Variants in RBFOX1 observed in about 807,000 individuals in gnomAD.
RBFOX1 encodes the protein RNA binding fox-1 homolog 1.
Under a neutral mutation model 57.7 loss-of-function variants are expected in RBFOX1, and 8 were observed. That is an observed-to-expected ratio of 0.14 (90% CI 0.08 to 0.25). The LOEUF (loss-of-function observed/expected upper bound fraction) is 0.25. Ranked by LOEUF, RBFOX1 falls within the 10% of genes least tolerant of loss-of-function variation. The pLI, the probability that RBFOX1 is intolerant of heterozygous loss-of-function variation, is 1.00. For synonymous variants in RBFOX1, 326 were observed against 222.4 expected, an observed-to-expected ratio of 1.47 and a Z score of -4.15; for missense variants, 611 against 548.5, an observed-to-expected ratio of 1.11 and a Z score of -1.14.
intron 1 of RBFOX1, among the ~76,000 whole-genome samples, chr16:6,222,386 G>C (rs944584102): frequency 5.3e-5 from 8 of 151,886 alleles, no homozygotes; most frequent in African/African-American, 1.7e-4. Context: ...TAACAAAAAG[G>C]GTTAGACAAG....
chr16:7,491,596 T>G (rs2067000838), intron 4 of RBFOX1, among the ~76,000 whole-genome samples: 2 of 151,880 alleles, frequency 1.3e-5, no homozygotes, highest in South Asian at 4.2e-4. Flanking sequence ...ATTATTTGCT[T>G]TATGTAATAG....
intron 3 of RBFOX1, among the ~76,000 whole-genome samples, chr16:5,707,737 C>T (rs903972570): frequency 6.6e-6 from 1 of 152,096 alleles, no homozygotes; most frequent in Non-Finnish European, 1.5e-5. Flanking sequence ...GATACTAATA[C>T]CTTATTGGGT....
At chr16:6,408,148 C>G (rs921369418) in intron 2 of RBFOX1, among the ~76,000 whole-genome samples, 7 of 152,118 alleles carry the variant, frequency 4.6e-5, no homozygotes, top group African/African-American at 1.7e-4. Context: ...GCCTCCAGAA[C>G]TGTGAGACAT....
At chr16:7,522,515 A>C (rs967746296) in intron 5 of RBFOX1, among the ~76,000 whole-genome samples, 1 of 152,198 alleles carries the variant, frequency 6.6e-6, no homozygotes, top group Non-Finnish European at 1.5e-5. Flanking sequence ...CAGAAGGGAC[A>C]AGAGTTGAGG....
At chr16:6,955,673 T>A (rs948424924) in intron 3 of RBFOX1, among the ~76,000 whole-genome samples, 1 of 109,750 alleles carries the variant, frequency 9.1e-6, no homozygotes, top group African/African-American at 2.9e-5. Flanking sequence ...ACCACTTTAT[T>A]TATTTAGGTA....
In RBFOX1 at chr16:6,752,085, C is replaced by T. The variant is rs187982816; in HGVS notation, c.-16+97435C>T. Among the ~76,000 whole-genome samples the T allele has an allele frequency of 6.3e-4, 96 of 152,230 alleles. 1 individual carries two copies. The highest frequency in any genetic ancestry group is 3.4e-3 in the Middle Eastern group (1 of 294). On this transcript the variant is annotated intron_variant, in intron 3 of 15. Transcript: ENST00000550418. Reference sequence around the variant, plus strand: ...ATTTCTCTAACTCCTGCTGGGCGTCCATCTACTCCGGTGACCCACTGCCTG... The same window carrying T: ...ATTTCTCTAACTCCTGCTGGGCGTCTATCTACTCCGGTGACCCACTGCCTG...
intron 3 of RBFOX1, among the ~76,000 whole-genome samples, chr16:6,758,352 C>G (rs1742799002): frequency 6.6e-6 from 1 of 152,088 alleles, no homozygotes; most frequent in Non-Finnish European, 1.5e-5. Context: ...ATAGATTTAT[C>G]AAAGTAGCAG....
At chr16:5,701,757 A>G (rs1316049386) in intron 3 of RBFOX1, among the ~76,000 whole-genome samples, 1 of 152,180 alleles carries the variant, frequency 6.6e-6, no homozygotes, top group East Asian at 1.9e-4. Context: ...TTTGATGACC[A>G]TCTTACCAGA....
At chr16:7,236,948 G>T (rs1264334059) in intron 4 of RBFOX1, among the ~76,000 whole-genome samples, 3 of 152,120 alleles carry the variant, frequency 2.0e-5, no homozygotes, top group Admixed American at 2.0e-4. Context: ...TCTGTGTTGT[G>T]GTTTATAAAC....
At chr16:5,260,183 A>G (rs1334533264) in intron 1 of RBFOX1, among the ~76,000 whole-genome samples, 1 of 152,162 alleles carries the variant, frequency 6.6e-6, no homozygotes, top group Non-Finnish European at 1.5e-5. Context: ...GTGGGTGACG[A>G]TTGTTTAACC....
At chr16:7,593,369 C>A (rs1433049524) in intron 7 of RBFOX1, among the ~76,000 whole-genome samples, 1 of 152,152 alleles carries the variant, frequency 6.6e-6, no homozygotes, top group Admixed American at 6.5e-5. Flanking sequence ...CCTAAATTCT[C>A]TCTTTTTTCC....
chr16:5,658,932 T>C (rs141249612), intron 3 of RBFOX1, among the ~76,000 whole-genome samples: 1 of 151,674 alleles, frequency 6.6e-6, no homozygotes, highest in Non-Finnish European at 1.5e-5. Flanking sequence ...GATGGACACT[T>C]GCATTGCTTT....
intron 3 of RBFOX1, among the ~76,000 whole-genome samples, chr16:6,936,104 T>G (rs1168055943): frequency 1.3e-5 from 2 of 152,198 alleles, no homozygotes; most frequent in Non-Finnish European, 2.9e-5. Context: ...GAGGTTCACT[T>G]TTTGCTCCGG....
intron 5 of RBFOX1, among the ~76,000 whole-genome samples, chr16:7,531,263 T>A (rs1203820251): frequency 6.6e-6 from 1 of 152,112 alleles, no homozygotes; most frequent in Non-Finnish European, 1.5e-5. Context: ...AATAGAAACT[T>A]CTTGGGCTGA....
chr16:6,568,813 G>C (rs923730042), intron 2 of RBFOX1, among the ~76,000 whole-genome samples: 1 of 152,084 alleles, frequency 6.6e-6, no homozygotes, highest in Non-Finnish European at 1.5e-5. Flanking sequence ...CTGACACCCA[G>C]GCTGGAGTGC....
intron 4 of RBFOX1, among the ~76,000 whole-genome samples, chr16:7,500,376 G>A (rs539914514): frequency 6.6e-6 from 1 of 152,194 alleles, no homozygotes; most frequent in African/African-American, 2.4e-5. Context: ...TGTAAGTCCA[G>A]TGAGGTTGTA....
At chr16:6,746,950 C>T (rs564523357) in intron 3 of RBFOX1, among the ~76,000 whole-genome samples, 14 of 152,064 alleles carry the variant, frequency 9.2e-5, no homozygotes, top group African/African-American at 3.4e-4. Flanking sequence ...CACTTGGGCT[C>T]AAACTAAAAT....
intron 2 of RBFOX1, among the ~76,000 whole-genome samples, chr16:6,556,103 C>G (rs574975141): frequency 2.0e-4 from 31 of 152,264 alleles, no homozygotes; most frequent in African/African-American, 6.5e-4. Context: ...TTCTATTCCT[C>G]CAGAACTCAG....
At chr16:5,617,505 G>C (rs1355249159) in intron 3 of RBFOX1, among the ~76,000 whole-genome samples, 8 of 152,194 alleles carry the variant, frequency 5.3e-5, no homozygotes, top group Non-Finnish European at 2.9e-5. Flanking sequence ...CCTCCTTTAA[G>C]GGTGTCCTGT....
Sources: gnomAD v4.1 joint callset for allele counts (sites outside exome capture counted in the v4.1 genomes callset) on GRCh38, gnomAD v4.1.1 for gene constraint, MANE v1.5 for transcripts, NCBI Gene and HGNC (gene_info 2026-07-23, HGNC 2026-07-21) for gene names.